Variants in PDE8A observed in about 807,000 individuals in gnomAD.
PDE8A encodes phosphodiesterase 8A, also known as high affinity cAMP-specific and IBMX-insensitive 3',5'-cyclic phosphodiesterase 8A.
In PDE8A, 59 loss-of-function variants were observed where a neutral mutation model predicts 105.0. The ratio of observed to expected loss-of-function variants is 0.56; its 90% CI spans 0.46 to 0.70. The LOEUF (loss-of-function observed/expected upper bound fraction) is 0.70, where lower values mean the gene tolerates loss of function less well. Ranked by LOEUF, PDE8A falls within the 30% of genes least tolerant of loss-of-function variation. The pLI is 0.00. For synonymous variants in PDE8A, 355 were observed against 371.9 expected, an observed-to-expected ratio of 0.95 and a Z score of 0.52; for missense variants, 1,014 against 1,045.9, an observed-to-expected ratio of 0.97 and a Z score of 0.42.
chr15:85,018,529 G>A (rs1315493204), intron 1 of PDE8A, among the ~76,000 whole-genome samples: 1 of 152,074 alleles, frequency 6.6e-6, no homozygotes, highest in East Asian at 1.9e-4. Flanking sequence ...TTGGGTAGAT[G>A]GTTAACCCTC....
At chr15:84,991,672 T>G (rs544568113) in intron 1 of PDE8A, among the ~76,000 whole-genome samples, 1 of 152,298 alleles carries the variant, frequency 6.6e-6, no homozygotes, top group South Asian at 2.1e-4. Context: ...TTCCAAACTT[T>G]CCTGTAAAAC....
At chr15:85,115,796 C>A in intron 15 of PDE8A, 188 bp from the exon 16 acceptor site, 3 of 569,418 alleles carry the variant, frequency 5.3e-6, no homozygotes, top group Non-Finnish European at 9.2e-6. Context: ...TGGCAGGTGC[C>A]TGTAATCCCA....
chr15:85,023,377 G>A (rs867752624), intron 1 of PDE8A, among the ~76,000 whole-genome samples: 16 of 152,324 alleles, frequency 1.1e-4, no homozygotes, highest in African/African-American at 2.9e-4. Flanking sequence ...GAGAAGCATA[G>A]GAAATAATTG....
intron 1 of PDE8A, among the ~76,000 whole-genome samples, chr15:85,035,931 A>G (rs140478194): frequency 6.6e-6 from 1 of 152,364 alleles, no homozygotes; most frequent in Non-Finnish European, 1.5e-5. Flanking sequence ...AATAGCACAC[A>G]TGGAGATTCT....
intron 1 of PDE8A, among the ~76,000 whole-genome samples, chr15:85,061,536 A>G (rs1332905107): frequency 6.6e-6 from 1 of 152,026 alleles, no homozygotes. Context: ...CACCACGCCC[A>G]GTTCTTGCTG....
At position 85,067,193 on chromosome 15, in the gene PDE8A, G is replaced by A; in HGVS notation, c.423G>A (p.Glu141=). ...DHRNPRQLDA[E]ALCRSIRSSK... ...GAAATCCTCGACAGCTGGATGCAGA[G>A]GCACTGTGCAGGTAAGCCCAAGACT... is the stretch of plus-strand genomic sequence containing the variant. The change falls in exon 3 of 22, where the codon GAG becomes GAA. Residue 141 remains glutamate (E), a synonymous_variant. Coordinates refer to ENST00000394553, the MANE Select transcript of PDE8A (RefSeq NM_002605.3). 6.2e-7 allele frequency: 1 copy of A among 1,613,440 alleles called. No homozygotes were observed. The highest frequency in any genetic ancestry group is 1.7e-4 in the Middle Eastern group (1 of 6,060).
In PDE8A at chr15:84,982,089, C is replaced by G. The variant is rs1255136761; in HGVS notation, c.-74C>G. ...CGATGACACGGCGCCCGCGGCGGCC[C>G]GGAGGCGCCGGGTGGGCCGTTTGCT... is the stretch of plus-strand genomic sequence containing the variant. On this transcript the variant is annotated 5_prime_UTR_variant, in exon 1 of 22. Coordinates refer to ENST00000394553, the MANE Select transcript of PDE8A (RefSeq NM_002605.3). 22 of 1,021,972 alleles carry G rather than the reference C, an allele frequency of 2.2e-5. No homozygotes were observed. Among genetic ancestry groups the G allele is most frequent in the Non-Finnish European group, 2.7e-5 (22 of 807,190 alleles). 63.3% of individuals were successfully genotyped at this position (1,021,972 alleles called of 1,614,324 possible). A position where few individuals can be genotyped will look rare whatever the true frequency, so the allele number is the denominator to read the frequency against.
intron 18 of PDE8A, among the ~76,000 whole-genome samples, chr15:85,121,351 AGGCTGC>A (rs55673351): frequency 0.23 from 34,985 of 151,886 alleles, 4,327 homozygotes; most frequent in African/African-American, 0.32. Flanking sequence ...CAGGAGGCTG[AGGCTGC>A]GGCTGCAGTG....
At chr15:85,015,328 G>GT (rs1379530327) in intron 1 of PDE8A, among the ~76,000 whole-genome samples, 1 of 151,980 alleles carries the variant, frequency 6.6e-6, no homozygotes, top group East Asian at 1.9e-4. Flanking sequence ...CCGGGCTCAG[G>GT]TGATCCTCCT....
At chr15:85,037,599 T>A (rs535577137) in intron 1 of PDE8A, among the ~76,000 whole-genome samples, 24 of 152,254 alleles carry the variant, frequency 1.6e-4, no homozygotes, top group Non-Finnish European at 3.4e-4. Flanking sequence ...TGATGGTTCT[T>A]TATGGCCAGT....
intron 1 of PDE8A, among the ~76,000 whole-genome samples, chr15:85,022,386 C>T (rs1049268388): frequency 6.6e-6 from 1 of 150,674 alleles, no homozygotes; most frequent in African/African-American, 2.4e-5. Context: ...CTAGCTCTAG[C>T]ACCAGTCCAC....
chr15:85,102,250 TGAAGGCGGGGA>T (rs2081874954), intron 11 of PDE8A, among the ~76,000 whole-genome samples: 1 of 151,970 alleles, frequency 6.6e-6, no homozygotes, highest in Non-Finnish European at 1.5e-5. Context: ...TTGCTGAAGC[TGAAGGCGGGGA>T]GAACGGGAAG....
At chr15:85,097,700 T>G (rs1037848580) in intron 8 of PDE8A, 2 of 414,448 alleles carry the variant, frequency 4.8e-6, no homozygotes, top group Non-Finnish European at 8.6e-6. Flanking sequence ...CCCTCTTGTC[T>G]GCAGATGGCC....
At chr15:85,057,950 G>T (rs1056560585) in intron 1 of PDE8A, among the ~76,000 whole-genome samples, 1 of 152,086 alleles carries the variant, frequency 6.6e-6, no homozygotes, top group African/African-American at 2.4e-5. Context: ...CTAGTATTTT[G>T]TTGAGGATTT....
chr15:85,025,575 T>C (rs950300134), intron 1 of PDE8A, among the ~76,000 whole-genome samples: 12 of 152,252 alleles, frequency 7.9e-5, no homozygotes, highest in African/African-American at 2.9e-4. Context: ...CCAGAAATGC[T>C]TCTTATCATC....
chr15:84,991,003 C>T (rs1030722957), intron 1 of PDE8A, among the ~76,000 whole-genome samples: 3 of 151,678 alleles, frequency 2.0e-5, no homozygotes, highest in Admixed American at 6.6e-5. Context: ...GTACTTTTTC[C>T]GTGTGCTTGT....
chr15:85,106,377 C>T (rs2081947794), intron 11 of PDE8A, among the ~76,000 whole-genome samples: 1 of 152,134 alleles, frequency 6.6e-6, no homozygotes, highest in Non-Finnish European at 1.5e-5. Flanking sequence ...CCCCACTGAC[C>T]ATCTCCTTTC....
intron 1 of PDE8A, among the ~76,000 whole-genome samples, chr15:85,018,709 C>A (rs2080369651): frequency 6.6e-6 from 1 of 152,196 alleles, no homozygotes; most frequent in Admixed American, 6.5e-5. Context: ...TGCAGAGCCA[C>A]ATTTTTACCA....
intron 5 of PDE8A, among the ~76,000 whole-genome samples, chr15:85,080,706 TC>T (rs887819887): frequency 3.3e-5 from 5 of 152,188 alleles, no homozygotes; most frequent in African/African-American, 1.2e-4. Flanking sequence ...TAAATCATGG[TC>T]CTTATATTTT....
Sources: allele counts gnomAD v4.1 joint callset (sites outside exome capture counted in the v4.1 genomes callset), GRCh38; gene constraint gnomAD v4.1.1; transcripts MANE v1.5; gene names NCBI Gene and HGNC (gene_info 2026-07-23, HGNC 2026-07-21).